Variants in ZNF407 observed in about 807,000 individuals in gnomAD.
ZNF407 encodes the protein zinc finger protein 407.
Under a neutral mutation model 131.2 loss-of-function variants are expected in ZNF407, and 17 were observed. The observed-to-expected ratio is 0.13, with a 90% CI of 0.09 to 0.19. The LOEUF (loss-of-function observed/expected upper bound fraction) is 0.19. ZNF407 is among the 10% of genes least tolerant of loss of function. The pLI, the probability that ZNF407 is intolerant of heterozygous loss-of-function variation, is 1.00. For missense variants in ZNF407, 2,681 were observed against 2,830.6 expected, an observed-to-expected ratio of 0.95 and a Z score of 1.20; for synonymous variants, 1,156 against 1,062.0, an observed-to-expected ratio of 1.09 and a Z score of -1.72.
chr18:74,814,539 G>A (rs183883190), intron 4 of ZNF407, among the ~76,000 whole-genome samples: 1 of 152,190 alleles, frequency 6.6e-6, no homozygotes, highest in African/African-American at 2.4e-5. Context: ...CAGTAAAGAA[G>A]GAAGAAATTC....
intron 7 of ZNF407, among the ~76,000 whole-genome samples, chr18:74,909,462 C>A (rs1971639785): frequency 6.6e-6 from 1 of 152,022 alleles, no homozygotes; most frequent in Non-Finnish European, 1.5e-5. Flanking sequence ...GTTCTGTAGT[C>A]AAAAAATTTG....
chr18:74,605,674 A>T (rs564761170), intron 1 of ZNF407, among the ~76,000 whole-genome samples: 1 of 152,250 alleles, frequency 6.6e-6, no homozygotes. Context: ...TTCTATATAC[A>T]TGTTAAGAAA....
chr18:74,993,740 C>T (rs1296797204), intron 8 of ZNF407, among the ~76,000 whole-genome samples: 1 of 152,154 alleles, frequency 6.6e-6, no homozygotes, highest in Non-Finnish European at 1.5e-5. Context: ...AAGGAAAGCT[C>T]GTCAGAAAAC....
intron 3 of ZNF407, among the ~76,000 whole-genome samples, chr18:74,757,246 T>G (rs1271170845): frequency 1.3e-5 from 2 of 152,010 alleles, no homozygotes; most frequent in African/African-American, 2.4e-5. Flanking sequence ...AATGAGGCAG[T>G]AAGAATGGAG....
intron 3 of ZNF407, among the ~76,000 whole-genome samples, chr18:74,776,135 C>G (rs1969466404): frequency 6.6e-6 from 1 of 152,126 alleles, no homozygotes; most frequent in South Asian, 2.1e-4. Flanking sequence ...GAGGGCAGAG[C>G]CTTCAGGAAT....
chr18:74,788,563 T>A (rs1224477736), intron 4 of ZNF407, among the ~76,000 whole-genome samples: 2 of 150,540 alleles, frequency 1.3e-5, no homozygotes, highest in Non-Finnish European at 3.0e-5. Context: ...GAGTCCTTGC[T>A]CTCTAGCTGT....
At chr18:74,770,791 A>T (rs1335582117) in intron 3 of ZNF407, among the ~76,000 whole-genome samples, 1 of 152,112 alleles carries the variant, frequency 6.6e-6, no homozygotes, top group South Asian at 2.1e-4. Flanking sequence ...ATTCTTGAAC[A>T]TTTATGTGTG....
intron 3 of ZNF407, among the ~76,000 whole-genome samples, chr18:74,667,276 G>A (rs975356934): frequency 1.3e-5 from 2 of 152,198 alleles, no homozygotes; most frequent in East Asian, 1.9e-4. Context: ...TGCCATTGCC[G>A]ATCTTTGACT....
intron 4 of ZNF407, among the ~76,000 whole-genome samples, chr18:74,817,939 C>T (rs1429847084): frequency 2.0e-5 from 3 of 152,242 alleles, no homozygotes; most frequent in Non-Finnish European, 1.5e-5. Flanking sequence ...GTTATCTGCA[C>T]TCTAGCGGCC....
At chr18:74,822,056 C>G (rs1341515396) in intron 4 of ZNF407, among the ~76,000 whole-genome samples, 1 of 152,118 alleles carries the variant, frequency 6.6e-6, no homozygotes, top group Admixed American at 6.5e-5. Flanking sequence ...TGTTTGTTGG[C>G]TGCATAAATG....
chr18:74,873,162 C>A lies in ZNF407; in HGVS notation c.4878-4035C>A, dbSNP rs117718155. On this transcript the variant is annotated intron_variant, in intron 4 of 8. Coordinates refer to ENST00000299687, the MANE Select transcript of ZNF407 (RefSeq NM_017757.3). ...TATCTATTAGGACAGTGCTATTAAT[C>A]CTATAATCATAATTCAGTTCCCTAC... Among the ~76,000 whole-genome samples, 973 of 152,254 alleles carry A rather than the reference C, an allele frequency of 6.4e-3. 3 individuals carry two copies. The highest frequency in any genetic ancestry group is 9.8e-3 in the Non-Finnish European group (666 of 68,012).
chr18:74,626,962 G>A (rs892728449), intron 1 of ZNF407, among the ~76,000 whole-genome samples: 1 of 152,132 alleles, frequency 6.6e-6, no homozygotes, highest in Non-Finnish European at 1.5e-5. Flanking sequence ...AGATCTCTGG[G>A]CCTCTTTTTC....
chr18:74,929,289 G>C (rs984454075), intron 8 of ZNF407, among the ~76,000 whole-genome samples: 4 of 152,082 alleles, frequency 2.6e-5, no homozygotes, highest in African/African-American at 4.8e-5. Flanking sequence ...AGGTCACCCA[G>C]CCACGTGGCA....
At position 74,658,104 on chromosome 18, in the gene ZNF407, C is replaced by CTTTATTTATTTA. The variant is rs10641679; in HGVS notation, c.4802+16994_4802+17005dup. Among the ~76,000 whole-genome samples the CTTTATTTATTTA allele has an allele frequency of 5.3e-3, 799 of 151,028 alleles. 6 individuals are homozygous for CTTTATTTATTTA. The highest frequency in any genetic ancestry group is 0.018 in the African/African-American group (732 of 40,840). ...TCACTACAATAGAAGCAGCAGTTGT[C>CTTTATTTATTTA]TTTATTTATTTATTTATTTATTTTT... On this transcript the variant is annotated intron_variant, in intron 3 of 8. Coordinates refer to ENST00000299687, the MANE Select transcript of ZNF407 (RefSeq NM_017757.3).
At chr18:75,020,243 A>AGT (rs1973091764) in intron 8 of ZNF407, among the ~76,000 whole-genome samples, 1 of 151,942 alleles carries the variant, frequency 6.6e-6, no homozygotes. Flanking sequence ...AAAAGCATAT[A>AGT]GTGTGTATGT....
intron 8 of ZNF407, among the ~76,000 whole-genome samples, chr18:75,058,528 T>A (rs1185731089): frequency 2.0e-5 from 3 of 152,226 alleles, no homozygotes; most frequent in Non-Finnish European, 2.9e-5. Context: ...TAACTACTGT[T>A]ACTGTATTGA....
At chr18:74,669,817 G>A (rs1205057404) in intron 3 of ZNF407, among the ~76,000 whole-genome samples, 1 of 152,200 alleles carries the variant, frequency 6.6e-6, no homozygotes, top group East Asian at 1.9e-4. Context: ...AAAAAAAGAA[G>A]TAAAGTTGTT....
At chr18:74,931,515 T>C (rs1287581830) in intron 8 of ZNF407, among the ~76,000 whole-genome samples, 1 of 152,194 alleles carries the variant, frequency 6.6e-6, no homozygotes, top group East Asian at 1.9e-4. Context: ...ATTCCACAGC[T>C]AGGGTTTTTA....
intron 3 of ZNF407, among the ~76,000 whole-genome samples, chr18:74,777,225 T>G (rs550835084): frequency 6.6e-6 from 1 of 152,342 alleles, no homozygotes; most frequent in African/African-American, 2.4e-5. Context: ...AATAAGATTT[T>G]TTTTTTTAAA....
Sources: allele counts gnomAD v4.1 joint callset (sites outside exome capture counted in the v4.1 genomes callset), GRCh38; gene constraint gnomAD v4.1.1; transcripts MANE v1.5; gene names NCBI Gene and HGNC (gene_info 2026-07-23, HGNC 2026-07-21).